Variants in THSD7A observed in about 807,000 individuals in gnomAD.
THSD7A encodes the protein thrombospondin type 1 domain containing 7A.
Under a neutral mutation model 231.3 loss-of-function variants are expected in THSD7A, and 96 were observed. That is an observed-to-expected ratio of 0.41 (90% confidence interval 0.35 to 0.49). The LOEUF is 0.49. Among genes scored for constraint, THSD7A ranks in the 20% least tolerant of loss-of-function variants. THSD7A has a pLI of 0.05. For missense variants in THSD7A, 2,290 were observed against 2,070.2 expected, an observed-to-expected ratio of 1.11 and a Z score of -2.06; for synonymous variants, 940 against 743.3, an observed-to-expected ratio of 1.26 and a Z score of -4.30.
At position 11,590,383 on chromosome 7, in the gene THSD7A, T is replaced by C; in HGVS notation, c.1453+77A>G. 6.9e-7 allele frequency: 1 copy of C among 1,455,808 alleles called. No individual in the cohort carries two copies. The highest frequency in any genetic ancestry group is 9.2e-7 in the Non-Finnish European group (1 of 1,082,212). 90.2% of individuals were successfully genotyped at this position (1,455,808 alleles called of 1,614,324 possible). On this transcript the variant is annotated intron_variant, in intron 4 of 27. Coordinates refer to ENST00000423059, the MANE Select transcript of THSD7A (RefSeq NM_015204.3). The surrounding 1 kb of genome is among the most constrained non-coding windows in gnomAD (Gnocchi z 4.4). ...GCAGCCCTCATAACCTGGATGGCTG[T>C]GTATATATCCCTTCAGAGCAATCAC...
At chr7:11,438,619 A>G (rs1203630447) in intron 13 of THSD7A, among the ~76,000 whole-genome samples, 1 of 152,070 alleles carries the variant, frequency 6.6e-6, no homozygotes, top group Non-Finnish European at 1.5e-5. Flanking sequence ...TTATATTAAT[A>G]AGGCATTAGA....
intron 1 of THSD7A, among the ~76,000 whole-genome samples, chr7:11,808,170 AC>A (rs1274943129): frequency 6.6e-6 from 1 of 151,892 alleles, no homozygotes; most frequent in Non-Finnish European, 1.5e-5. Flanking sequence ...ACACACACAC[AC>A]ACTGCTATGG....
In THSD7A at chr7:11,464,609, A is replaced by G. The variant is rs538065997; in HGVS notation, c.2369-2466T>C. Among the ~76,000 whole-genome samples, 5 of 152,300 alleles carry G rather than the reference A, an allele frequency of 3.3e-5. No individual in the cohort carries two copies. The South Asian group carries it at 1.0e-3, about 32-fold the overall frequency. On this transcript the variant is annotated intron_variant, in intron 9 of 27. Coordinates refer to ENST00000423059, the MANE Select transcript of THSD7A (RefSeq NM_015204.3). ...CTTCTCATCACAAACTCCACAAATT[A>G]GTACTAGATATATAAGACTATGATG... is the stretch of plus-strand genomic sequence containing the variant.
At chr7:11,791,329 T>G (rs746901949) in intron 1 of THSD7A, among the ~76,000 whole-genome samples, 21 of 152,106 alleles carry the variant, frequency 1.4e-4, no homozygotes, top group Non-Finnish European at 2.5e-4. Flanking sequence ...CTATCTCCTA[T>G]TATGGGTATG....
At chr7:11,604,940 G>A (rs1032052394) in intron 2 of THSD7A, among the ~76,000 whole-genome samples, 4 of 151,904 alleles carry the variant, frequency 2.6e-5, no homozygotes, top group Non-Finnish European at 5.9e-5. Context: ...AGGAGTAGAT[G>A]AGCGCTCACA....
chr7:11,579,908 C>A (rs1027883745), intron 4 of THSD7A, among the ~76,000 whole-genome samples: 1 of 152,080 alleles, frequency 6.6e-6, no homozygotes, highest in Non-Finnish European at 1.5e-5. Context: ...TTCTCACTGG[C>A]TGTAATAGAG....
chr7:11,466,561 T>A (rs1460498983), intron 9 of THSD7A, among the ~76,000 whole-genome samples: 3 of 152,246 alleles, frequency 2.0e-5, no homozygotes, highest in African/African-American at 7.2e-5. Flanking sequence ...AATTTTTATT[T>A]CCTCAAATAC....
intron 1 of THSD7A, among the ~76,000 whole-genome samples, chr7:11,813,063 C>T (rs930472544): frequency 1.3e-5 from 2 of 152,166 alleles, no homozygotes; most frequent in African/African-American, 4.8e-5. Flanking sequence ...TAGGCAACTT[C>T]CAAAACAGGT....
intron 4 of THSD7A, among the ~76,000 whole-genome samples, chr7:11,571,311 G>A (rs1437163016): frequency 1.3e-5 from 2 of 152,160 alleles, no homozygotes; most frequent in African/African-American, 4.8e-5. Context: ...TGAGGAACAT[G>A]ATGTTCTCAT....
chr7:11,714,042 T>C (rs898433093), intron 1 of THSD7A, among the ~76,000 whole-genome samples: 1 of 151,232 alleles, frequency 6.6e-6, no homozygotes. Context: ...GTTAAATATG[T>C]GTCTGTACAT....
intron 6 of THSD7A, among the ~76,000 whole-genome samples, chr7:11,499,466 A>G (rs1787243072): frequency 6.6e-6 from 1 of 152,224 alleles, no homozygotes; most frequent in African/African-American, 2.4e-5. Flanking sequence ...GTTCTTAACC[A>G]GACTCAACTG....
chr7:11,535,113 G>A (rs1161913731), intron 6 of THSD7A, among the ~76,000 whole-genome samples: 1 of 152,150 alleles, frequency 6.6e-6, no homozygotes, highest in East Asian at 1.9e-4. Flanking sequence ...GTATCACTAA[G>A]TGGTAAATAA....
rs1261697581 is a variant in THSD7A at position 11,406,171 on chromosome 7, G to A, written c.4237+129C>T. 6 of 952,714 alleles carry A rather than the reference G, an allele frequency of 6.3e-6. No homozygotes were observed. Among genetic ancestry groups the A allele is most frequent in the Non-Finnish European group, 9.2e-6 (6 of 652,006 alleles). The allele number at this position is 952,714 out of a possible 1,614,324, so 59.0% of individuals were successfully genotyped here. A position where few individuals can be genotyped will look rare whatever the true frequency, so the allele number is the denominator to read the frequency against. On this transcript the variant is annotated intron_variant, in intron 22 of 27. Transcript: ENST00000423059. This position sits in a 1 kb window ranked among gnomAD's most constrained non-coding sequence, Gnocchi z 4.7. ...TTCCCCACAGGCATAGTGTTGAGCTGTTGGCATAGATATTACTGAATAAGA... is the reference window on the plus strand; with the variant it reads ...TTCCCCACAGGCATAGTGTTGAGCTATTGGCATAGATATTACTGAATAAGA...
At chr7:11,454,720 G>A (rs1289294283) in intron 11 of THSD7A, among the ~76,000 whole-genome samples, 3 of 151,690 alleles carry the variant, frequency 2.0e-5, no homozygotes, top group Non-Finnish European at 4.4e-5. Context: ...ATCTCAAGAG[G>A]CTGGGCCTAG....
At chr7:11,731,177 C>T (rs896894440) in intron 1 of THSD7A, among the ~76,000 whole-genome samples, 1 of 151,474 alleles carries the variant, frequency 6.6e-6, no homozygotes, top group Non-Finnish European at 1.5e-5. Flanking sequence ...TCCCTTATTT[C>T]CTTATGCTAT....
chr7:11,509,407 T>C (rs990347575), intron 6 of THSD7A, among the ~76,000 whole-genome samples: 3 of 152,200 alleles, frequency 2.0e-5, no homozygotes, highest in South Asian at 2.1e-4. Context: ...TTAGCTACCA[T>C]ACAATCTGAT....
At chr7:11,384,025 A>C (rs998937450) in intron 23 of THSD7A, 2 of 152,040 alleles carry the variant, frequency 1.3e-5, no homozygotes, top group African/African-American at 2.4e-5. Context: ...ATTTGCAAAA[A>C]TCCAAACAAG....
chr7:11,746,917 T>A (rs553411561), intron 1 of THSD7A, among the ~76,000 whole-genome samples: 105 of 151,892 alleles, frequency 6.9e-4, no homozygotes, highest in Non-Finnish European at 1.4e-3. Flanking sequence ...TGAAAGATAA[T>A]ATTGACAATA....
chr7:11,390,313 T>C (rs1228772621), intron 23 of THSD7A, among the ~76,000 whole-genome samples: 2 of 152,248 alleles, frequency 1.3e-5, no homozygotes, highest in Admixed American at 1.3e-4. Context: ...TTTTATTCTT[T>C]TCTCTCTAAT....
Sources: allele counts gnomAD v4.1 joint callset (sites outside exome capture counted in the v4.1 genomes callset), GRCh38; gene constraint gnomAD v4.1.1; non-coding constraint Gnocchi (gnomAD v3.1); transcripts MANE v1.5; gene names NCBI Gene and HGNC (gene_info 2026-07-23, HGNC 2026-07-21).